The following SIRPB2 variants were observed in gnomAD, a reference collection of about 807,000 sequenced individuals.
SIRPB2 encodes the protein signal-regulatory protein beta-2.
Under a neutral mutation model 27.1 loss-of-function variants are expected in SIRPB2, and 18 were observed. That is an observed-to-expected ratio of 0.66 (90% CI 0.46 to 0.98). The LOEUF (loss-of-function observed/expected upper bound fraction) is 0.98, where lower values mean the gene tolerates loss of function less well. SIRPB2 is among the 50% of genes least tolerant of loss of function. SIRPB2 has a pLI of 0.00. For missense variants in SIRPB2, 420 were observed against 417.4 expected, an observed-to-expected ratio of 1.01 and a Z score of -0.06; for synonymous variants, 150 against 164.6, an observed-to-expected ratio of 0.91 and a Z score of 0.68.
chr20:1,480,273 A>T (rs1260307336), intron 1 of SIRPB2: 1 of 611,094 alleles, frequency 1.6e-6, no homozygotes, highest in Non-Finnish European at 2.8e-6. Flanking sequence ...TACAAACAAT[A>T]AATAACACTC....
In SIRPB2 at chr20:1,478,419, T is replaced by C. The variant is rs1470934248; in HGVS notation, c.640A>G (p.Lys214Glu). Residue 214 changes from lysine (K) to glutamate (E), a missense_variant, in exon 3 of 5, where the codon AAG becomes GAG. Transcript: ENST00000359801. ...TTGGAGGCCTGCACCGCTGTCTCCT[T>C]GGGGTGGGAGATGCCTCCAAAGTTG... ...IYNFGGISHP[K>E]ETAVQASNND... 6.2e-7 allele frequency: 1 copy of C among 1,614,138 alleles called. No individual in the cohort carries two copies. Among genetic ancestry groups the C allele is most frequent in the Non-Finnish European group, 8.5e-7 (1 of 1,180,010 alleles).
At chr20:1,491,101 T>C (rs2090772840) in intron 1 of SIRPB2, among the ~76,000 whole-genome samples, 174 bp downstream of exon 1, 1 of 152,190 alleles carries the variant, frequency 6.6e-6, no homozygotes, top group South Asian at 2.1e-4. Context: ...TTCACTACGC[T>C]GCTTCTTGGG....
chr20:1,476,516 C>T (rs976002396), intron 4 of SIRPB2, 180 bp from the exon 5 acceptor site: 17 of 383,630 alleles, frequency 4.4e-5, no homozygotes, highest in Non-Finnish European at 5.7e-5. Flanking sequence ...GCCCAGAGAA[C>T]GGTTGCCCAA....
At chr20:1,478,833 A>G (rs2090637038) in intron 2 of SIRPB2, among the ~76,000 whole-genome samples, 1 of 152,238 alleles carries the variant, frequency 6.6e-6, no homozygotes, top group African/African-American at 2.4e-5. Context: ...GGAAGACACA[A>G]GTGCCCGGCC....
At chr20:1,486,293 G>T (rs901071588) in intron 1 of SIRPB2, among the ~76,000 whole-genome samples, 7 of 151,756 alleles carry the variant, frequency 4.6e-5, no homozygotes, top group African/African-American at 1.7e-4. Flanking sequence ...GGCTGGTCTT[G>T]AACTCCTGGC....
chr20:1,476,373 G>T (rs1222312421), intron 4 of SIRPB2, 37 bp from the exon 5 acceptor site: 3 of 1,587,012 alleles, frequency 1.9e-6, no homozygotes, highest in Non-Finnish European at 2.6e-6. Context: ...CGGGACCCGT[G>T]GTGAGGGCCC....
At chr20:1,472,315 T>C (rs1192713010), downstream of SIRPB2, among the ~76,000 whole-genome samples, 1 of 152,210 alleles carries the variant, frequency 6.6e-6, no homozygotes, top group Non-Finnish European at 1.5e-5. Context: ...TTGTTCATCT[T>C]TTGTTATATT....
chr20:1,480,194 A>T, intron 1 of SIRPB2, 129 bp from the exon 2 acceptor site: 1 of 1,278,554 alleles, frequency 7.8e-7, no homozygotes, highest in Non-Finnish European at 1.0e-6. Flanking sequence ...GTGTCATTAG[A>T]CAGGGAAGGG....
rs142855094 is a variant in SIRPB2, at chr20:1,484,642, A to G, written c.86-4577T>C. 3.0e-3 allele frequency among the ~76,000 whole-genome samples: 451 copies of G among 152,224 alleles called. 3 individuals are homozygous for G. The highest frequency in any genetic ancestry group is 9.7e-3 in the African/African-American group (405 of 41,544). The stretch of plus-strand genomic sequence containing the variant: ...TCGGGGAAATGCAAATCAAAACCAC[A>G]ATGAGATATCATCTTACCCCAGTTG... On this transcript the variant is annotated intron_variant, in intron 1 of 4. Transcript: ENST00000359801.
Position 1,478,290 on chromosome 20 carries a change from G to C in SIRPB2, c.769C>G (p.Gln257Glu), listed in dbSNP as rs1311877331. The C allele has an allele frequency of 1.9e-6, 3 of 1,613,820 alleles. No homozygotes were observed. Among genetic ancestry groups the C allele is most frequent in the Middle Eastern group, 1.6e-4 (1 of 6,062 alleles). Residue 257 changes from glutamine (Q) to glutamate (E), a missense_variant, in exon 3 of 5, where the codon CAG becomes GAG. Coordinates refer to ENST00000359801, the MANE Select transcript of SIRPB2 (RefSeq NM_001122962.2). ...CCTTTCACTTTCAGGCTGGTGCCCT[G>C]TCCAGACAGGTATTGCCTGTTGGGT... ...RKPNRQYLSG[Q>E]GTSLKVKAKS...
downstream of SIRPB2, chr20:1,473,893 A>G: frequency 2.2e-6 from 1 of 456,006 alleles, no homozygotes; most frequent in Non-Finnish European, 4.4e-6. Flanking sequence ...AACAACAGAA[A>G]TTTATTTTCT....
chr20:1,473,837 C>T (rs1458177668), downstream of SIRPB2: 1 of 456,310 alleles, frequency 2.2e-6, no homozygotes, highest in African/African-American at 2.0e-5. Flanking sequence ...GCTGTTTCAG[C>T]TTCCCGTGGC....
chr20:1,479,685 G>A lies in SIRPB2; in HGVS notation c.451+15C>T, dbSNP rs1429251339. 1.2e-6 allele frequency: 2 copies of A among 1,611,870 alleles called. No homozygotes were observed. Among genetic ancestry groups the A allele is most frequent in the African/African-American group, 2.7e-5 (2 of 74,908 alleles). ...GACTGGAGCAAATGTGTGGTCTGCA[G>A]GGCCTGATCCTTACCCTTCACAAGC... On this transcript the variant is annotated intron_variant, in intron 2 of 4. Transcript: ENST00000359801.
At chr20:1,482,278 T>C (rs923094171) in intron 1 of SIRPB2, among the ~76,000 whole-genome samples, 2 of 152,194 alleles carry the variant, frequency 1.3e-5, no homozygotes, top group South Asian at 4.1e-4. Context: ...TGAAAAACAA[T>C]ACATTGTTGT....
chr20:1,480,185 T>C (rs2090655999), intron 1 of SIRPB2, 120 bp from the exon 2 acceptor site: 2 of 1,336,324 alleles, frequency 1.5e-6, no homozygotes, highest in African/African-American at 2.9e-5. Context: ...AAGACAGGAG[T>C]GTCATTAGAC....
At chr20:1,476,402 G>A in intron 4 of SIRPB2, 66 bp from the exon 5 acceptor site, 1 of 1,481,696 alleles carries the variant, frequency 6.7e-7, no homozygotes, top group Non-Finnish European at 9.1e-7. Context: ...ACGCCTCATT[G>A]CTGCCCATGG....
Position 1,476,169 on chromosome 20 carries a change from A to C in SIRPB2, c.1027T>G (p.Ter343GlyextTer10). 3 of 1,612,422 alleles carry C rather than the reference A, an allele frequency of 1.9e-6. No individual in the cohort carries two copies. Among genetic ancestry groups the C allele is most frequent in the Non-Finnish European group, 2.5e-6 (3 of 1,179,420 alleles). ...NTLAWSKGQE[*>G] ...GTCCTCACTCTGGGGCTGACCCCTC[A>C]CTCTTGACCCTTGCTCCATGCTAAG... Residue 343 changes from the stop codon to glycine, a stop_lost, in exon 5 of 5, where the codon TGA becomes GGA. Coordinates refer to ENST00000359801, the MANE Select transcript of SIRPB2 (RefSeq NM_001122962.2).
intron 1 of SIRPB2, among the ~76,000 whole-genome samples, chr20:1,486,005 C>T (rs972262310): frequency 2.6e-5 from 4 of 151,686 alleles, no homozygotes; most frequent in Admixed American, 1.3e-4. Context: ...AAAATCTTCC[C>T]AGAAATAAAG....
intron 1 of SIRPB2, among the ~76,000 whole-genome samples, chr20:1,486,664 AAATC>A (rs113854723): frequency 0.01 from 1,557 of 152,280 alleles, 27 homozygotes; most frequent in African/African-American, 0.035. Context: ...TAACATTCAA[AAATC>A]AATCAATGTA....
Sources: gnomAD v4.1 joint callset for allele counts (sites outside exome capture counted in the v4.1 genomes callset) on GRCh38, gnomAD v4.1.1 for gene constraint, MANE v1.5 for transcripts, NCBI Gene and HGNC (gene_info 2026-07-23, HGNC 2026-07-21) for gene names.